The following FUT9 variants were observed in gnomAD, a reference collection of about 807,000 sequenced individuals.
FUT9 encodes fucosyltransferase 9, also known as 4-galactosyl-N-acetylglucosaminide 3-alpha-L-fucosyltransferase 9.
FUT9 carries 15 observed loss-of-function variants against 29.7 expected under a neutral mutation model. The observed-to-expected ratio is 0.51, with a 90% CI of 0.34 to 0.78. The LOEUF is 0.78. FUT9 is among the 30% of genes least tolerant of loss of function. FUT9 has a pLI of 0.01. For missense variants in FUT9, 319 were observed against 425.4 expected, an observed-to-expected ratio of 0.75 and a Z score of 2.20; for synonymous variants, 169 against 153.7, an observed-to-expected ratio of 1.10 and a Z score of -0.74.
intron 2 of FUT9, among the ~76,000 whole-genome samples, chr6:96,198,021 T>G (rs986522577): frequency 5.3e-5 from 8 of 152,230 alleles, no homozygotes; most frequent in Non-Finnish European, 7.3e-5. Flanking sequence ...TACCTTGATA[T>G]GTATCTGTGG....
chr6:96,122,290 G>A (rs1315165169), intron 2 of FUT9, among the ~76,000 whole-genome samples: 3 of 152,178 alleles, frequency 2.0e-5, no homozygotes, highest in Non-Finnish European at 4.4e-5. Context: ...AATCAGGAGT[G>A]TCTAGAACCC....
chr6:96,140,769 C>T (rs1032676614), intron 2 of FUT9, among the ~76,000 whole-genome samples: 1 of 152,140 alleles, frequency 6.6e-6, no homozygotes, highest in African/African-American at 2.4e-5. Flanking sequence ...ATTCAATTAC[C>T]TCAGTTACCT....
At chr6:96,018,277 A>T (rs1582408591) in intron 1 of FUT9, among the ~76,000 whole-genome samples, 1 of 152,304 alleles carries the variant, frequency 6.6e-6, no homozygotes, top group East Asian at 1.9e-4. Flanking sequence ...ATTGAAAGCA[A>T]GGAGTAATAC....
At chr6:96,154,842 A>G (rs1380450285) in intron 2 of FUT9, among the ~76,000 whole-genome samples, 1 of 152,230 alleles carries the variant, frequency 6.6e-6, no homozygotes, top group Non-Finnish European at 1.5e-5. Flanking sequence ...TGAACCAATC[A>G]ATGTAACTGA....
At chr6:96,065,025 G>A (rs1262785729) in intron 1 of FUT9, among the ~76,000 whole-genome samples, 1 of 151,940 alleles carries the variant, frequency 6.6e-6, no homozygotes, top group Non-Finnish European at 1.5e-5. Flanking sequence ...TTTGGGGTAG[G>A]GACCAAGAAA....
intron 2 of FUT9, among the ~76,000 whole-genome samples, chr6:96,167,413 C>T (rs934490372): frequency 6.6e-6 from 1 of 152,148 alleles, no homozygotes; most frequent in East Asian, 1.9e-4. Context: ...CTTGCAGCAT[C>T]ACAAGGTGGA....
chr6:96,130,377 T>C (rs1307025821), intron 2 of FUT9, among the ~76,000 whole-genome samples: 1 of 152,154 alleles, frequency 6.6e-6, no homozygotes, highest in Non-Finnish European at 1.5e-5. Flanking sequence ...TAATGTCACA[T>C]TAATAATGCC....
intron 2 of FUT9, among the ~76,000 whole-genome samples, chr6:96,149,665 AAAGC>A (rs1207170419): frequency 1.3e-5 from 2 of 152,222 alleles, no homozygotes; most frequent in African/African-American, 4.8e-5. Context: ...CATTCCATCA[AAAGC>A]AAGCATTTCT....
chr6:96,056,741 C>T (rs1022932762), intron 1 of FUT9, among the ~76,000 whole-genome samples: 11 of 151,250 alleles, frequency 7.3e-5, no homozygotes, highest in Non-Finnish European at 1.5e-4. Context: ...GAGACTCCAT[C>T]TTTAAAGGAA....
At chr6:96,117,401 T>A (rs958077409) in intron 2 of FUT9, among the ~76,000 whole-genome samples, 9 of 152,330 alleles carry the variant, frequency 5.9e-5, no homozygotes, top group Non-Finnish European at 1.3e-4. Context: ...AATACATAGA[T>A]ACAGAAATGG....
chr6:96,158,086 A>C (rs1294424257), intron 2 of FUT9, among the ~76,000 whole-genome samples: 1 of 152,216 alleles, frequency 6.6e-6, no homozygotes. Context: ...GCACTTTTGC[A>C]ATATGATGTT....
intron 2 of FUT9, among the ~76,000 whole-genome samples, chr6:96,160,189 T>C (rs761197280): frequency 6.6e-6 from 1 of 152,288 alleles, no homozygotes; most frequent in Non-Finnish European, 1.5e-5. Context: ...AATTTAATTT[T>C]TGGCACACTG....
At position 96,214,466 on chromosome 6, in the gene FUT9, T is replaced by G. The variant is rs910008645; in HGVS notation, c.*10231T>G. 2 of 166,942 alleles carry G rather than the reference T, an allele frequency of 1.2e-5. No individual in the cohort carries two copies. Among genetic ancestry groups the G allele is most frequent in the African/African-American group, 4.8e-5 (2 of 41,424 alleles). The allele number at this position is 166,942 out of a possible 1,614,324, so 10.3% of individuals were successfully genotyped here. A position where few individuals can be genotyped will look rare whatever the true frequency, so the allele number is the denominator to read the frequency against. ...AGGCCTACCCTTTTACTTATTAACT[T>G]AAGTAATAAAAATTGTATAAAAATA... is the stretch of plus-strand genomic sequence containing the variant. On this transcript the variant is annotated 3_prime_UTR_variant, in exon 3 of 3. Coordinates refer to ENST00000302103, the MANE Select transcript of FUT9 (RefSeq NM_006581.4).
intron 2 of FUT9, among the ~76,000 whole-genome samples, chr6:96,201,792 T>C (rs1468247710): frequency 2.0e-5 from 3 of 151,448 alleles, no homozygotes; most frequent in Non-Finnish European, 2.9e-5. Context: ...GACAGGAAGC[T>C]GCAATCTCTG....
rs979523464 is a variant in FUT9, at chr6:96,103,519, C to T, written c.-97-10520C>T. Reference sequence around the variant, plus strand: ...CAATTCTGGAGGCTAGAAGTCCAAACTGAAGGTGTCGATAGTGTCAGGCTT... The same window carrying T: ...CAATTCTGGAGGCTAGAAGTCCAAATTGAAGGTGTCGATAGTGTCAGGCTT... On this transcript the variant is annotated intron_variant, in intron 1 of 2. Transcript: ENST00000302103. Among the ~76,000 whole-genome samples the T allele has an allele frequency of 1.3e-4, 19 of 151,922 alleles. 1 individual carries two copies. The highest frequency in any genetic ancestry group is 4.6e-4 in the African/African-American group (19 of 41,240).
At chr6:96,084,167 A>T (rs1257637059) in intron 1 of FUT9, among the ~76,000 whole-genome samples, 1 of 152,080 alleles carries the variant, frequency 6.6e-6, no homozygotes, top group East Asian at 1.9e-4. Flanking sequence ...AGATAGACTA[A>T]AGTGACTTAT....
At chr6:96,040,163 T>C (rs890465370) in intron 1 of FUT9, among the ~76,000 whole-genome samples, 2 of 152,212 alleles carry the variant, frequency 1.3e-5, no homozygotes, top group African/African-American at 2.4e-5. Context: ...TTATAAGTGA[T>C]TGTCTTTGTT....
In FUT9 at chr6:96,188,897, A is replaced by C. The variant is rs117355408; in HGVS notation, c.-8-14251A>C. On this transcript the variant is annotated intron_variant, in intron 2 of 2. Transcript: ENST00000302103. ...AGAATATGACAAGTATGATTTAGGC[A>C]CTAGGGACTGGAATCTGAGTAAAAA... Among the ~76,000 whole-genome samples, 284 of 152,190 alleles carry C rather than the reference A, an allele frequency of 1.9e-3. 4 individuals are homozygous for C. In the East Asian group the frequency reaches 0.023, roughly 12 times the overall value.
intron 1 of FUT9, among the ~76,000 whole-genome samples, chr6:96,090,411 A>T (rs1043746832): frequency 6.6e-6 from 1 of 152,076 alleles, no homozygotes; most frequent in South Asian, 2.1e-4. Flanking sequence ...ACTACAATTT[A>T]TATATTTTAA....
Sources: allele counts gnomAD v4.1 joint callset (sites outside exome capture counted in the v4.1 genomes callset), GRCh38; gene constraint gnomAD v4.1.1; transcripts MANE v1.5; gene names NCBI Gene and HGNC (gene_info 2026-07-23, HGNC 2026-07-21).